AP3D1: variants seen among roughly 807,000 people sequenced by gnomAD.
AP3D1 encodes AP-3 complex subunit delta-1.
AP3D1 carries 51 observed loss-of-function variants against 147.6 expected under a neutral mutation model. That is an observed-to-expected ratio of 0.35 (90% CI 0.28 to 0.44). AP3D1 has a LOEUF of 0.44. Among genes scored for constraint, AP3D1 ranks in the 20% least tolerant of loss-of-function variants. The pLI, the probability that AP3D1 is intolerant of heterozygous loss-of-function variation, is 1.00. For synonymous variants in AP3D1, 760 were observed against 663.0 expected, an observed-to-expected ratio of 1.15 and a Z score of -2.25; for missense variants, 1,421 against 1,624.2, an observed-to-expected ratio of 0.87 and a Z score of 2.15.
At position 2,114,219 on chromosome 19, in the gene AP3D1, A is replaced by C; in HGVS notation, c.2507T>G (p.Met836Arg). Residue 836 changes from methionine (M) to arginine (R), a missense_variant, in exon 22 of 32, where the codon ATG (methionine) becomes AGG (arginine). By Grantham distance (91) the Met-to-Arg change is moderately conservative. Transcript: ENST00000643116. ...GGGTTTCTTGCTCTTCTTTTCTACC[A>C]TGGGAACGTCCTTCTCAGGGGATTT... ...TSKSPEKDVP[M>R]VEKKSKKPKK... is the part of the protein sequence containing the mutation. The C allele has an allele frequency of 2.5e-6, 4 of 1,602,106 alleles. No individual in the cohort carries two copies. Among genetic ancestry groups the C allele is most frequent in the Non-Finnish European group, 3.4e-6 (4 of 1,175,456 alleles).
chr19:2,121,748 G>C lies in AP3D1; in HGVS notation c.1087C>G (p.Leu363Val). ...AGGGCACGCACCATCCCATAGAGCA[G>C]GTCCAGGGCCCGCAGCCGGATGGAC... The part of the protein sequence containing the change: ...DESIRLRALD[L>V]LYGMVSKKNL... The change falls in exon 12 of 32, where the codon CTG becomes GTG. Residue 363 changes from leucine to valine, a missense_variant. Physicochemically the swap from Leu to Val is conservative, Grantham distance 32. Transcript: ENST00000643116. The C allele has an allele frequency of 6.2e-7, 1 of 1,606,620 alleles. No individual in the cohort carries two copies. The highest frequency in any genetic ancestry group is 8.5e-7 in the Non-Finnish European group (1 of 1,176,872).
upstream of AP3D1, chr19:2,164,495 C>A (rs936236091): frequency 3.1e-6 from 1 of 317,630 alleles, no homozygotes; most frequent in Admixed American, 5.0e-5. Flanking sequence ...GCCGGCGCCC[C>A]CGAGCCCTAC....
chr19:2,131,300 C>T (rs1485312828), intron 5 of AP3D1, among the ~76,000 whole-genome samples: 1 of 151,630 alleles, frequency 6.6e-6, no homozygotes, highest in South Asian at 2.1e-4. Context: ...GGGACGGCGC[C>T]CATCGGCCAC....
intron 1 of AP3D1, among the ~76,000 whole-genome samples, chr19:2,161,320 C>T (rs2019696489): frequency 6.6e-6 from 1 of 151,858 alleles, no homozygotes; most frequent in Non-Finnish European, 1.5e-5. Flanking sequence ...TGCCACCATG[C>T]CTGGCTAATT....
intron 1 of AP3D1, among the ~76,000 whole-genome samples, chr19:2,159,367 C>T (rs1467043784): frequency 6.6e-6 from 1 of 151,908 alleles, no homozygotes; most frequent in South Asian, 2.1e-4. Flanking sequence ...TACAGGCATG[C>T]GCCACCATGC....
chr19:2,132,414 G>A, intron 5 of AP3D1, 57 bp downstream of exon 5: 1 of 1,503,216 alleles, frequency 6.7e-7, no homozygotes, highest in Non-Finnish European at 9.2e-7. Flanking sequence ...ATGCCACTTT[G>A]ACCGAGTTTT....
At chr19:2,123,211 G>A in intron 11 of AP3D1, 147 bp downstream of exon 11, 1 of 828,952 alleles carries the variant, frequency 1.2e-6, no homozygotes, top group Admixed American at 2.5e-5. Context: ...CACTGGCAGA[G>A]GGCTGCCTCT....
chr19:2,164,504 AC>A (rs1213533711), upstream of AP3D1: 29 of 300,188 alleles, frequency 9.7e-5, no homozygotes. Context: ...CCCGAGCCCT[AC>A]CGCGGTGCCG....
In AP3D1 at chr19:2,116,754, G is replaced by A. The variant is rs377629608; in HGVS notation, c.1860-8C>T. On this transcript the variant is annotated splice_region_variant and splice_polypyrimidine_tract_variant and intron_variant, in intron 16 of 31. Transcript: ENST00000643116. ...CAGGCGTCCAGGTCCAGGCTGCACC[G>A]GACAGGAGGGCCACACAAGGCAGTG... The A allele has an allele frequency of 1.7e-5, 27 of 1,601,950 alleles. No individual in the cohort carries two copies. The highest frequency in any genetic ancestry group is 4.0e-5 in the African/African-American group (3 of 74,542).
intron 1 of AP3D1, among the ~76,000 whole-genome samples, chr19:2,147,215 C>G (rs1448547779): frequency 1.3e-5 from 2 of 151,954 alleles, no homozygotes; most frequent in Non-Finnish European, 2.9e-5. Context: ...GGTGGTGGCA[C>G]ATGCCTGTAA....
At chr19:2,138,371 G>A (rs528794945) in intron 2 of AP3D1, among the ~76,000 whole-genome samples, 144 of 152,342 alleles carry the variant, frequency 9.5e-4, no homozygotes, top group African/African-American at 3.3e-3. Flanking sequence ...CCACCCAGAA[G>A]AGGACCCCAT....
intron 1 of AP3D1, among the ~76,000 whole-genome samples, chr19:2,150,174 C>T (rs2019468106): frequency 6.6e-6 from 1 of 152,228 alleles, no homozygotes; most frequent in East Asian, 1.9e-4. Flanking sequence ...CCTTAACTTC[C>T]CTGCCCTCCT....
rs550109992 is a variant in AP3D1 at position 2,135,586 on chromosome 19, G to A, written c.354+1425C>T. Among the ~76,000 whole-genome samples, 7 of 152,286 alleles carry A rather than the reference G, an allele frequency of 4.6e-5. No individual in the cohort carries two copies. In the East Asian group the frequency reaches 7.7e-4, roughly 17 times the overall value. On this transcript the variant is annotated intron_variant, in intron 4 of 31. Coordinates refer to ENST00000643116, the MANE Select transcript of AP3D1 (RefSeq NM_001261826.3). Reference sequence around the variant, plus strand: ...AATGACACACTGGACTGCAAACATCGGAAGCACGTGATCCTACACAGAGGA... The same window carrying A: ...AATGACACACTGGACTGCAAACATCAGAAGCACGTGATCCTACACAGAGGA...
intron 15 of AP3D1, among the ~76,000 whole-genome samples, 193 bp downstream of exon 15, chr19:2,118,408 C>T (rs563596658): frequency 5.3e-5 from 8 of 152,230 alleles, no homozygotes; most frequent in Admixed American, 2.0e-4. Flanking sequence ...GTCCTACTGA[C>T]GGATCCCCCG....
At chr19:2,120,209 C>T (rs559762833) in intron 14 of AP3D1, among the ~76,000 whole-genome samples, 7 of 152,316 alleles carry the variant, frequency 4.6e-5, no homozygotes, top group African/African-American at 1.2e-4. Flanking sequence ...CTGTGAGAAC[C>T]GTGAGTCTCA....
intron 11 of AP3D1, among the ~76,000 whole-genome samples, 172 bp from the exon 12 acceptor site, chr19:2,122,051 C>A (rs2018627260): frequency 6.6e-6 from 1 of 152,170 alleles, no homozygotes; most frequent in Non-Finnish European, 1.5e-5. Context: ...GGGATGTCGC[C>A]CTAGCAGAGC....
chr19:2,109,670 C>T, intron 29 of AP3D1: 2 of 592,866 alleles, frequency 3.4e-6, no homozygotes, highest in Non-Finnish European at 6.0e-6. Flanking sequence ...ATGGGTGACG[C>T]TGCCTGGCCT....
At chr19:2,148,872 G>C (rs2019431770) in intron 1 of AP3D1, among the ~76,000 whole-genome samples, 1 of 152,118 alleles carries the variant, frequency 6.6e-6, no homozygotes, top group Non-Finnish European at 1.5e-5. Flanking sequence ...ACTTTTTTTG[G>C]AAACTATACT....
rs2145078349 is a variant in AP3D1 at position 2,123,412 on chromosome 19, A to G, written c.907-6T>C. 1.2e-6 allele frequency: 2 copies of G among 1,613,924 alleles called. No homozygotes were observed. Among genetic ancestry groups the G allele is most frequent in the Non-Finnish European group, 1.7e-6 (2 of 1,179,942 alleles). On this transcript the variant is annotated splice_polypyrimidine_tract_variant and splice_region_variant and intron_variant, in intron 10 of 31. Transcript: ENST00000643116. ...CTTAATTTCTGAACACAAAGCTGAA[A>G]AGAAGAAAAAAACGATGCTGGTTAC...
Sources: gnomAD v4.1 joint callset for allele counts (sites outside exome capture counted in the v4.1 genomes callset) on GRCh38, gnomAD v4.1.1 for gene constraint, MANE v1.5 for transcripts, NCBI Gene and HGNC (gene_info 2026-07-23, HGNC 2026-07-21) for gene names.